Variants in TMCO4 observed in about 807,000 individuals in gnomAD.
The protein encoded by TMCO4 is transmembrane and coiled-coil domain-containing protein 4.
A neutral mutation model predicts 64.7 loss-of-function variants in TMCO4; 58 were observed. The observed-to-expected ratio is 0.90, with a 90% CI of 0.73 to 1.12. The LOEUF (loss-of-function observed/expected upper bound fraction) is 1.12. Among genes scored for constraint, TMCO4 ranks in the 50% most tolerant of loss-of-function variants. TMCO4 has a pLI of 0.00. For missense variants in TMCO4, 780 were observed against 825.9 expected, an observed-to-expected ratio of 0.94 and a Z score of 0.68; for synonymous variants, 325 against 346.1, an observed-to-expected ratio of 0.94 and a Z score of 0.68.
intron 7 of TMCO4, among the ~76,000 whole-genome samples, chr1:19,750,628 T>C (rs946318377): frequency 1.3e-5 from 2 of 152,180 alleles, no homozygotes; most frequent in African/African-American, 4.8e-5. Context: ...CTCTCCCCGA[T>C]GTGACACTTA....
chr1:19,683,186 C>T lies in TMCO4; in HGVS notation c.1759G>A (p.Gly587Arg), dbSNP rs2095116148. ...TDPSQAQVPVGLDQSEGASLP... is the reference protein window; with the variant it reads ...TDPSQAQVPVRLDQSEGASLP... ...GAGGCCCCTTCAGACTGGTCCAGCC[C>T]TACTGGCACCTGGGCTTGGCTGGGG... Residue 587 changes from glycine (G) to arginine (R), a missense_variant, in exon 16 of 16, where the codon GGG becomes AGG. Gly to Arg is a moderately radical substitution (Grantham distance 125). Coordinates refer to ENST00000294543, the MANE Select transcript of TMCO4 (RefSeq NM_181719.7). The T allele has an allele frequency of 1.2e-6, 2 of 1,614,252 alleles. No homozygotes were observed. Among genetic ancestry groups the T allele is most frequent in the Non-Finnish European group, 1.7e-6 (2 of 1,180,042 alleles).
chr1:19,682,565 A>C lies in TMCO4; in HGVS notation c.*475T>G. ...GCGCCTGCTCTGTTGCTGCCAGTTG[A>C]TGGTGCCTGTCAGCTGGTGGGCAGC... On this transcript the variant is annotated 3_prime_UTR_variant, in exon 16 of 16. Transcript: ENST00000294543. The C allele has an allele frequency of 1.4e-6, 1 of 714,412 alleles. No homozygotes were observed. The highest frequency in any genetic ancestry group is 1.5e-5 in the South Asian group (1 of 67,514). 44.3% of individuals were successfully genotyped at this position (714,412 alleles called of 1,614,324 possible). A position where few individuals can be genotyped will look rare whatever the true frequency, so the allele number is the denominator to read the frequency against.
chr1:19,709,754 CA>C (rs545375631), intron 13 of TMCO4, among the ~76,000 whole-genome samples: 1 of 147,994 alleles, frequency 6.8e-6, no homozygotes, highest in Non-Finnish European at 1.5e-5. Flanking sequence ...AACAAACAAA[CA>C]AAAAAAGCTC....
At chr1:19,685,262 G>C (rs1418126114) in intron 15 of TMCO4, among the ~76,000 whole-genome samples, 1 of 152,208 alleles carries the variant, frequency 6.6e-6, no homozygotes, top group African/African-American at 2.4e-5. Context: ...GGAGGCTGAG[G>C]CTGCAGTGAG....
chr1:19,706,195 G>A (rs188736902), intron 13 of TMCO4, among the ~76,000 whole-genome samples: 2 of 152,152 alleles, frequency 1.3e-5, no homozygotes, highest in Non-Finnish European at 2.9e-5. Context: ...GTGAGCCACC[G>A]CATCTGGCCC....
chr1:19,764,779 C>T (rs61768307), intron 6 of TMCO4, among the ~76,000 whole-genome samples: 17,630 of 144,406 alleles, frequency 0.12, 1,131 homozygotes, highest in Non-Finnish European at 0.13. Context: ...TGCTTGAACC[C>T]GGGAGGTGGA....
intron 4 of TMCO4, among the ~76,000 whole-genome samples, chr1:19,772,418 T>A (rs2043026791): frequency 6.6e-6 from 1 of 152,110 alleles, no homozygotes. Context: ...CTGAGTGCAG[T>A]CCTACAGGAG....
At chr1:19,786,088 T>C (rs2043727614) in intron 3 of TMCO4, among the ~76,000 whole-genome samples, 1 of 151,996 alleles carries the variant, frequency 6.6e-6, no homozygotes, top group African/African-American at 2.4e-5. Context: ...AAAATAATAA[T>C]ATTTTAAAAA....
At chr1:19,766,178 C>G (rs1456646143) in intron 6 of TMCO4, among the ~76,000 whole-genome samples, 3 of 152,182 alleles carry the variant, frequency 2.0e-5, no homozygotes, top group Non-Finnish European at 4.4e-5. Flanking sequence ...TTCCCTCCAT[C>G]CAACAAATAC....
At chr1:19,767,384 TAGATGTTGCCTATAATG>T (rs1392541910) in intron 6 of TMCO4, among the ~76,000 whole-genome samples, 1 of 152,156 alleles carries the variant, frequency 6.6e-6, no homozygotes, top group African/African-American at 2.4e-5. Context: ...GATGCTGGTT[TAGATGTTGCCTATAATG>T]AGAACGTGCC....
intron 13 of TMCO4, among the ~76,000 whole-genome samples, chr1:19,703,383 A>G (rs6426820): frequency 0.38 from 58,136 of 151,624 alleles, 11,625 homozygotes; most frequent in South Asian, 0.43. Context: ...TGGCCTGTCT[A>G]GCCCCCTGCC....
At chr1:19,761,512 A>G (rs1165486775) in intron 6 of TMCO4, among the ~76,000 whole-genome samples, 1 of 152,236 alleles carries the variant, frequency 6.6e-6, no homozygotes, top group Non-Finnish European at 1.5e-5. Context: ...GGTCAGCCTC[A>G]GGGTACCTGT....
chr1:19,798,796 G>A (rs2044460088), intron 1 of TMCO4, among the ~76,000 whole-genome samples: 1 of 152,212 alleles, frequency 6.6e-6, no homozygotes, highest in Non-Finnish European at 1.5e-5. Context: ...TGAGGGCAGC[G>A]CTCCTTTTTG....
intron 13 of TMCO4, among the ~76,000 whole-genome samples, chr1:19,721,748 C>T (rs1427640054): frequency 1.3e-5 from 2 of 152,062 alleles, no homozygotes; most frequent in Admixed American, 6.6e-5. Flanking sequence ...GAAATTGTGC[C>T]ACCGCACTCC....
intron 4 of TMCO4, among the ~76,000 whole-genome samples, chr1:19,772,161 G>A (rs2101029182): frequency 6.6e-6 from 1 of 152,304 alleles, no homozygotes; most frequent in East Asian, 1.9e-4. Flanking sequence ...TGACTCTAGA[G>A]CCGTGTGGTA....
intron 13 of TMCO4, among the ~76,000 whole-genome samples, chr1:19,736,740 A>G (rs1470727280): frequency 6.6e-6 from 1 of 152,258 alleles, no homozygotes; most frequent in African/African-American, 2.4e-5. Context: ...CACTGGAGGC[A>G]TGACACACTC....
intron 3 of TMCO4, among the ~76,000 whole-genome samples, chr1:19,781,000 T>G (rs779706897): frequency 3.3e-5 from 5 of 151,370 alleles, no homozygotes; most frequent in African/African-American, 4.9e-5. Flanking sequence ...AACAACTAAC[T>G]CCAGTAAGTC....
At position 19,755,689 on chromosome 1, in the gene TMCO4, C is replaced by T. The variant is rs2042218408; in HGVS notation, c.460G>A (p.Val154Ile). Residue 154 changes from valine to isoleucine, a missense_variant, in exon 7 of 16, where the codon GTC (valine) becomes ATC (isoleucine). By Grantham distance (29) the Val-to-Ile change is conservative. Transcript: ENST00000294543. The part of the protein sequence containing the change: ...LLQVPLEELD[V>I]LEEMFLESLK... ...CTCTCCAGGAACATCTCTTCAAGGA[C>T]ATCCAGCTCCTCCAAGGGCACTTGG... 11 of 1,614,148 alleles carry T rather than the reference C, an allele frequency of 6.8e-6. No individual in the cohort carries two copies. The highest frequency in any genetic ancestry group is 9.3e-6 in the Non-Finnish European group (11 of 1,180,028).
At chr1:19,728,834 T>C (rs1272172908) in intron 13 of TMCO4, among the ~76,000 whole-genome samples, 1 of 152,078 alleles carries the variant, frequency 6.6e-6, no homozygotes, top group African/African-American at 2.4e-5. Flanking sequence ...TGAGGGAAAG[T>C]AGGGGAAGAG....
Sources: allele counts gnomAD v4.1 joint callset (sites outside exome capture counted in the v4.1 genomes callset), GRCh38; gene constraint gnomAD v4.1.1; transcripts MANE v1.5; gene names NCBI Gene and HGNC (gene_info 2026-07-23, HGNC 2026-07-21).